The following PLCE1 variants were observed in gnomAD, a reference collection of about 807,000 sequenced individuals.
PLCE1 encodes 1-phosphatidylinositol 4,5-bisphosphate phosphodiesterase epsilon-1.
A neutral mutation model predicts 242.8 loss-of-function variants in PLCE1; 119 were observed. The observed-to-expected ratio is 0.49, with a 90% CI of 0.42 to 0.57. The LOEUF (loss-of-function observed/expected upper bound fraction) is 0.57, where lower values mean the gene tolerates loss of function less well. Among genes scored for constraint, PLCE1 ranks in the 20% least tolerant of loss-of-function variants. PLCE1 has a pLI of 0.00. For missense variants in PLCE1, 2,441 were observed against 2,788.8 expected, an observed-to-expected ratio of 0.88 and a Z score of 2.81; for synonymous variants, 945 against 1,017.4, an observed-to-expected ratio of 0.93 and a Z score of 1.35.
At chr10:94,174,809 C>A (rs961707530) in intron 4 of PLCE1, among the ~76,000 whole-genome samples, 1 of 152,020 alleles carries the variant, frequency 6.6e-6, no homozygotes, top group Admixed American at 6.6e-5. Flanking sequence ...GGAGACATGA[C>A]GACTAAATGC....
intron 2 of PLCE1, among the ~76,000 whole-genome samples, chr10:94,077,604 A>G (rs1564667341): frequency 1.3e-5 from 2 of 152,158 alleles, no homozygotes; most frequent in Non-Finnish European, 2.9e-5. Context: ...TGCCAAAAAA[A>G]TATAAATAAA....
At chr10:94,302,273 T>A (rs1461042509) in intron 24 of PLCE1, among the ~76,000 whole-genome samples, 4 of 152,204 alleles carry the variant, frequency 2.6e-5, no homozygotes, top group Admixed American at 6.5e-5. Context: ...TGATGCACGC[T>A]GGGTTTAATA....
chr10:94,093,778 T>C, intron 2 of PLCE1, among the ~76,000 whole-genome samples: 1 of 152,044 alleles, frequency 6.6e-6, no homozygotes, highest in East Asian at 1.9e-4. Flanking sequence ...CTGCACTCTG[T>C]GTCGCAGAGT....
chr10:94,292,656 A>C (rs959075020), intron 22 of PLCE1, among the ~76,000 whole-genome samples: 1 of 152,180 alleles, frequency 6.6e-6, no homozygotes, highest in African/African-American at 2.4e-5. Context: ...ATGCTCTTAA[A>C]CACTACTCTA....
At chr10:94,020,081 C>A (rs1225878108) in intron 1 of PLCE1, among the ~76,000 whole-genome samples, 5 of 152,142 alleles carry the variant, frequency 3.3e-5, no homozygotes, top group African/African-American at 9.7e-5. Flanking sequence ...TAAGAAACTG[C>A]CAAAATGTTT....
intron 2 of PLCE1, among the ~76,000 whole-genome samples, chr10:94,075,410 T>C (rs1239468261): frequency 1.3e-5 from 2 of 152,162 alleles, no homozygotes; most frequent in African/African-American, 4.8e-5. Flanking sequence ...TTAATGTCCA[T>C]GTTGGTTTAC....
Position 94,104,820 on chromosome 10 carries a change from T to C in PLCE1, c.1207-27354T>C, listed in dbSNP as rs1330103396. The C allele has an allele frequency of 2.6e-5, 4 of 152,222 alleles. No individual in the cohort carries two copies. The East Asian group carries it at 5.8e-4, about 22-fold the overall frequency. 9.4% of individuals were successfully genotyped at this position (152,222 alleles called of 1,614,324 possible). ...CTTATAGAACAGATGATGGTTTTAC[T>C]AGACGAGTGTGGTTTATACTTTAGA... On this transcript the variant is annotated intron_variant, in intron 2 of 32. Coordinates refer to ENST00000371380, the MANE Select transcript of PLCE1 (RefSeq NM_016341.4).
At position 94,254,962 on chromosome 10, in the gene PLCE1, G is replaced by C. The variant is rs539061909; in HGVS notation, c.3467G>C (p.Gly1156Ala). ...SRRAHSLTTA[G>A]SPNLAAGTSS... ...AGAGCCCACTCTTTGACCACAGCTG[G>C]GTCCCCCAACTTGGCTGCCGGGACG... Residue 1156 changes from glycine to alanine, a missense_variant, in exon 11 of 33, where the codon GGG (glycine) becomes GCG (alanine). Gly to Ala is a moderately conservative substitution (Grantham distance 60, BLOSUM62 0). This residue lies in a region of PLCE1 where 1,004 missense variants were observed against 1,322.7 expected (regional missense o/e 0.76). Transcript: ENST00000371380. 2 of 1,614,008 alleles carry C rather than the reference G, an allele frequency of 1.2e-6. No homozygotes were observed. The highest frequency in any genetic ancestry group is 8.5e-7 in the Non-Finnish European group (1 of 1,179,962).
At chr10:94,226,695 A>T (rs545131509) in intron 4 of PLCE1, among the ~76,000 whole-genome samples, 1 of 152,212 alleles carries the variant, frequency 6.6e-6, no homozygotes, top group East Asian at 1.9e-4. Flanking sequence ...CTTTCAATCA[A>T]AATTATCCTT....
At chr10:94,103,530 A>G (rs771610187) in intron 2 of PLCE1, among the ~76,000 whole-genome samples, 9 of 152,114 alleles carry the variant, frequency 5.9e-5, no homozygotes, top group Non-Finnish European at 1.0e-4. Context: ...CATCAGTGCT[A>G]TGTTTCAGTT....
At chr10:94,228,619 C>G (rs987403336) in intron 5 of PLCE1, among the ~76,000 whole-genome samples, 3 of 152,134 alleles carry the variant, frequency 2.0e-5, no homozygotes, top group Non-Finnish European at 4.4e-5. Flanking sequence ...TGAGATTTTT[C>G]TTTGATTCTC....
intron 22 of PLCE1, among the ~76,000 whole-genome samples, chr10:94,290,245 A>G (rs1238058100): frequency 1.3e-5 from 2 of 150,168 alleles, no homozygotes; most frequent in Non-Finnish European, 3.0e-5. Flanking sequence ...GCCCAAGCTG[A>G]TCTCCTGGAC....
chr10:94,258,635 A>G (rs186029268), intron 11 of PLCE1, among the ~76,000 whole-genome samples, 165 bp from the exon 12 acceptor site: 2 of 152,208 alleles, frequency 1.3e-5, no homozygotes, highest in Non-Finnish European at 2.9e-5. Flanking sequence ...CCTCTGATAC[A>G]ATATAGGTTA....
chr10:94,043,577 T>C (rs979167709), intron 2 of PLCE1, among the ~76,000 whole-genome samples: 1 of 152,182 alleles, frequency 6.6e-6, no homozygotes, highest in South Asian at 2.1e-4. Flanking sequence ...GAAAGCCCCA[T>C]AGCTTCATTT....
intron 3 of PLCE1, among the ~76,000 whole-genome samples, chr10:94,169,697 G>C (rs1023411600): frequency 3.9e-5 from 6 of 152,186 alleles, no homozygotes; most frequent in Non-Finnish European, 8.8e-5. Flanking sequence ...TGTCAACTTT[G>C]AGTCACCCTG....
chr10:94,028,904 T>A (rs2061502873), intron 1 of PLCE1, among the ~76,000 whole-genome samples: 1 of 152,072 alleles, frequency 6.6e-6, no homozygotes, highest in South Asian at 2.1e-4. Flanking sequence ...TCTTTGATAT[T>A]TCTCCTTTCA....
chr10:94,171,383 C>A lies in PLCE1; in HGVS notation c.1696C>A (p.Pro566Thr). The change falls in exon 4 of 33, where the codon CCT becomes ACT. Residue 566 changes from proline to threonine, a missense_variant. This residue lies in a region of PLCE1 where 733 missense variants were observed against 754.2 expected (regional missense o/e 0.97). Coordinates refer to ENST00000371380, the MANE Select transcript of PLCE1 (RefSeq NM_016341.4). ...LCFLTRDLGT[P>T]ECQSSLPCLK... ...CTTCTTAACACGGGACTTGGGCACTCCTGAATGCCAGAGCTCCTTGCCCTG... is the reference window on the plus strand; with the variant it reads ...CTTCTTAACACGGGACTTGGGCACTACTGAATGCCAGAGCTCCTTGCCCTG... 2 of 1,614,172 alleles carry A rather than the reference C, an allele frequency of 1.2e-6. No homozygotes were observed. Among genetic ancestry groups the A allele is most frequent in the East Asian group, 2.2e-5 (1 of 44,878 alleles).
intron 4 of PLCE1, among the ~76,000 whole-genome samples, chr10:94,177,798 A>G (rs751474234): frequency 2.6e-5 from 4 of 152,334 alleles, no homozygotes; most frequent in East Asian, 1.9e-4. Context: ...AGGCATTTTT[A>G]TAGACAATTT....
intron 25 of PLCE1, 130 bp downstream of exon 25, chr10:94,304,775 A>G (rs1018288484): frequency 7.1e-6 from 6 of 841,702 alleles, no homozygotes; most frequent in African/African-American, 1.7e-5. Context: ...AGTTCCCAGA[A>G]TAATGTATTT....
Sources: allele counts gnomAD v4.1 joint callset (sites outside exome capture counted in the v4.1 genomes callset), GRCh38; gene constraint gnomAD v4.1.1; regional missense constraint gnomAD v4.1.1; transcripts MANE v1.5; gene names NCBI Gene and HGNC (gene_info 2026-07-23, HGNC 2026-07-21).